DIXDC1: variants seen among roughly 807,000 people sequenced by gnomAD.
The protein encoded by DIXDC1 is dixin.
DIXDC1 carries 64 observed loss-of-function variants against 103.1 expected under a neutral mutation model. That is an observed-to-expected ratio of 0.62 (90% CI 0.51 to 0.76). The LOEUF (loss-of-function observed/expected upper bound fraction) is 0.76, where lower values mean the gene tolerates loss of function less well. Among genes scored for constraint, DIXDC1 ranks in the 30% least tolerant of loss-of-function variants. DIXDC1 has a pLI of 0.00. For synonymous variants in DIXDC1, 266 were observed against 298.5 expected (o/e 0.89, Z 1.12); for missense variants, 759 against 834.2 (o/e 0.91, Z 1.11).
rs184859558 is a variant in DIXDC1, at chr11:111,983,431, G to A, written c.918+944G>A. Among the ~76,000 whole-genome samples, 10 of 152,258 alleles carry A rather than the reference G, an allele frequency of 6.6e-5. No individual in the cohort carries two copies. In the Middle Eastern group the frequency reaches 0.014, roughly 207 times the overall value. ...GAAGTGTGGGAGGAATGTTGCCTGC[G>A]TAAACATTCCCAAAGAAAGTTGTTG... On this transcript the variant is annotated intron_variant, in intron 7 of 19. Transcript: ENST00000440460.
intron 7 of DIXDC1, among the ~76,000 whole-genome samples, 185 bp from the exon 8 acceptor site, chr11:111,985,047 G>A (rs1860442693): frequency 6.6e-6 from 1 of 152,202 alleles, no homozygotes; most frequent in Non-Finnish European, 1.5e-5. Flanking sequence ...CCAGAGCATG[G>A]ACCTAACGAA....
At chr11:111,952,286 AATTTAT>A (rs1966839173) in intron 1 of DIXDC1, among the ~76,000 whole-genome samples, 1 of 152,250 alleles carries the variant, frequency 6.6e-6, no homozygotes, top group South Asian at 2.1e-4. Context: ...TCTCTAAATT[AATTTAT>A]AAGTTTAATA....
Position 112,021,163 on chromosome 11 carries a change from C to T in DIXDC1, c.*2127C>T, listed in dbSNP as rs1344429973. ...AGAGAAAATTTCCAAAGTCCTCTACCTTATTTGGCTTTTATCTGTGTCTTT... is the reference window on the plus strand; with the variant it reads ...AGAGAAAATTTCCAAAGTCCTCTACTTTATTTGGCTTTTATCTGTGTCTTT... On this transcript the variant is annotated 3_prime_UTR_variant, in exon 20 of 20. Transcript: ENST00000440460. 2 of 152,176 alleles carry T rather than the reference C, an allele frequency of 1.3e-5. No individual in the cohort carries two copies. Among genetic ancestry groups the T allele is most frequent in the Admixed American group, 6.5e-5 (1 of 15,276 alleles). 9.4% of individuals were successfully genotyped at this position (152,176 alleles called of 1,614,324 possible).
At chr11:111,927,842 C>A (rs1185345717) in intron 1 of DIXDC1, among the ~76,000 whole-genome samples, 1 of 151,362 alleles carries the variant, frequency 6.6e-6, no homozygotes, top group African/African-American at 2.4e-5. Context: ...ATGGTGAAAC[C>A]CCGTCTCTAC....
rs180876650 is a variant in DIXDC1 at position 112,014,035 on chromosome 11, C to T, written c.1757-2656C>T. On this transcript the variant is annotated intron_variant, in intron 17 of 19. Transcript: ENST00000440460. ...GGGAACTAATGGGTGAGTACTCACT[C>T]CTCCTCCCCAAGGAGGGCATTAATC... 2.6e-5 allele frequency among the ~76,000 whole-genome samples: 4 copies of T among 152,244 alleles called. No homozygotes were observed. In the East Asian group the frequency reaches 7.7e-4, roughly 29 times the overall value.
At chr11:111,951,255 G>C (rs1966794523) in intron 1 of DIXDC1, among the ~76,000 whole-genome samples, 1 of 152,100 alleles carries the variant, frequency 6.6e-6, no homozygotes, top group Admixed American at 6.5e-5. Flanking sequence ...AAGAATTAGA[G>C]AACCCTATTA....
chr11:112,016,778 T>C lies in DIXDC1; in HGVS notation c.1844T>C (p.Met615Thr). 1 of 1,607,022 alleles carries C rather than the reference T, an allele frequency of 6.2e-7. No individual in the cohort carries two copies. Among genetic ancestry groups the C allele is most frequent in the Non-Finnish European group, 8.5e-7 (1 of 1,176,112 alleles). Reference protein sequence around the residue: ...YFTDRSLTPFMVNIPKRLEEV... With the variant: ...YFTDRSLTPFTVNIPKRLEEV... ...ACTGACCGGTCACTTACGCCCTTCA[T>C]GGTCAATATACCAAAGAGGTGAGAT... Residue 615 changes from methionine to threonine, a missense_variant, in exon 18 of 20, where the codon ATG (methionine) becomes ACG (threonine). Met to Thr is a moderately conservative substitution (Grantham distance 81). This residue lies in a region of DIXDC1 where 657 missense variants were observed against 727.5 expected (regional missense o/e 0.90). Coordinates refer to ENST00000440460, the MANE Select transcript of DIXDC1 (RefSeq NM_001037954.4).
intron 10 of DIXDC1, among the ~76,000 whole-genome samples, chr11:111,990,811 A>G (rs983594127): frequency 1.3e-5 from 2 of 152,016 alleles, no homozygotes; most frequent in Non-Finnish European, 2.9e-5. Flanking sequence ...AGTTCAAGCA[A>G]TTCTCCTGAC....
intron 17 of DIXDC1, among the ~76,000 whole-genome samples, chr11:112,012,624 A>G (rs587718608): frequency 1.3e-5 from 2 of 152,230 alleles, no homozygotes; most frequent in Non-Finnish European, 2.9e-5. Flanking sequence ...TTTCAAAATC[A>G]TGTATTAAAT....
chr11:111,942,847 T>C lies in DIXDC1; in HGVS notation c.60+5288T>C, dbSNP rs117014792. 6.8e-3 allele frequency among the ~76,000 whole-genome samples: 1,037 copies of C among 152,304 alleles called. 5 individuals are homozygous for C. The highest frequency in any genetic ancestry group is 0.051 in the Middle Eastern group (15 of 294). On this transcript the variant is annotated intron_variant, in intron 1 of 19. Transcript: ENST00000440460. ...CCCAGTGGATGCCTGAAACCGTGGA[T>C]GGTACTGAACCTGACTGCCATCAGT...
rs1860855552 is a variant in DIXDC1, at chr11:111,995,234, G to A, written c.1527+126G>A. The stretch of plus-strand genomic sequence containing the variant: ...CCTAATTCCTGGATCTGTGGAGTGT[G>A]TAAAGATGTGAGGCACTTGCTATCC... On this transcript the variant is annotated intron_variant, in intron 15 of 19. Transcript: ENST00000440460. The A allele has an allele frequency of 8.3e-6, 11 of 1,319,180 alleles. No individual in the cohort carries two copies. The South Asian group carries it at 1.4e-4, about 17-fold the overall frequency. The allele number at this position is 1,319,180 out of a possible 1,614,324, so 81.7% of individuals were successfully genotyped here. A position where few individuals can be genotyped will look rare whatever the true frequency, so the allele number is the denominator to read the frequency against.
intron 1 of DIXDC1, among the ~76,000 whole-genome samples, chr11:111,951,413 A>G (rs182576631): frequency 2.6e-5 from 4 of 152,318 alleles, no homozygotes; most frequent in African/African-American, 9.6e-5. Context: ...CACCTACTGT[A>G]TACCTATAAA....
chr11:111,980,235 G>T (rs1167492894), intron 5 of DIXDC1, among the ~76,000 whole-genome samples: 2 of 152,116 alleles, frequency 1.3e-5, no homozygotes, highest in Non-Finnish European at 2.9e-5. Context: ...ACTCTCCTTT[G>T]TGATCAGCTC....
chr11:111,927,623 C>T (rs1271648862), intron 1 of DIXDC1, among the ~76,000 whole-genome samples: 5 of 152,118 alleles, frequency 3.3e-5, no homozygotes, highest in African/African-American at 9.7e-5. Context: ...TCCGTTCTCC[C>T]CAGATACCGC....
intron 17 of DIXDC1, among the ~76,000 whole-genome samples, chr11:112,013,532 G>A (rs967171635): frequency 4.6e-5 from 7 of 151,836 alleles, no homozygotes; most frequent in Non-Finnish European, 1.0e-4. Flanking sequence ...ATGAGATGAC[G>A]TAATTCATCT....
chr11:111,984,267 A>T (rs1555173593), intron 7 of DIXDC1, among the ~76,000 whole-genome samples: 2 of 152,160 alleles, frequency 1.3e-5, no homozygotes, highest in Non-Finnish European at 2.9e-5. Context: ...AGGTATAGGC[A>T]ACGCATGGTG....
chr11:111,956,131 A>T (rs1383083272), intron 1 of DIXDC1, among the ~76,000 whole-genome samples: 1 of 152,184 alleles, frequency 6.6e-6, no homozygotes, highest in Non-Finnish European at 1.5e-5. Context: ...TCACCATAAG[A>T]CAAATACTGT....
intron 1 of DIXDC1, among the ~76,000 whole-genome samples, chr11:111,928,047 G>A (rs1965887900): frequency 1.3e-5 from 2 of 148,474 alleles, no homozygotes; most frequent in Non-Finnish European, 3.0e-5. Flanking sequence ...AATAGTATTA[G>A]CCCCATAAAG....
chr11:111,937,223 G>A, upstream of DIXDC1: 1 of 1,163,502 alleles, frequency 8.6e-7, no homozygotes, highest in Non-Finnish European at 1.1e-6. Flanking sequence ...AAGCGGGGCT[G>A]GGGGCAGCCC....
Sources: gnomAD v4.1 joint callset for allele counts (sites outside exome capture counted in the v4.1 genomes callset) on GRCh38, gnomAD v4.1.1 for gene constraint, gnomAD v4.1.1 regional missense constraint, MANE v1.5 for transcripts, NCBI Gene and HGNC (gene_info 2026-07-23, HGNC 2026-07-21) for gene names.